Variants in ZRSR2 observed in about 807,000 individuals in gnomAD.
The protein encoded by ZRSR2 is U2 small nuclear ribonucleoprotein auxiliary factor 35 kDa subunit-related protein 2.
ZRSR2 carries 3 observed loss-of-function variants against 39.4 expected under a neutral mutation model. That is an observed-to-expected ratio of 0.08 (90% confidence interval 0.03 to 0.20). The LOEUF (loss-of-function observed/expected upper bound fraction) is 0.20, where lower values mean the gene tolerates loss of function less well. Ranked by LOEUF, ZRSR2 falls within the 10% of genes least tolerant of loss-of-function variation. The probability of loss-of-function intolerance (pLI) is 1.00; values close to 1 mark genes in which losing one functional copy is unlikely to be tolerated. For missense variants in ZRSR2, 256 were observed against 391.5 expected, an observed-to-expected ratio of 0.65 and a Z score of 2.92; for synonymous variants, 137 against 136.0, an observed-to-expected ratio of 1.01 and a Z score of -0.05.
chrX:15,815,867 G>C lies in ZRSR2; in HGVS notation c.748G>C (p.Val250Leu). The change falls in exon 8 of 11, where the codon GTG becomes CTG. Residue 250 changes from valine (V) to leucine (L), a missense_variant. By Grantham distance (32) the Val-to-Leu change is conservative. Around this residue, in one of 3 missense-constraint regions of ZRSR2, gnomAD observed 58 missense variants for 163.1 expected, o/e 0.36. Coordinates refer to ENST00000307771, the MANE Select transcript of ZRSR2 (RefSeq NM_005089.4). ...GGATGTGTTGCCCGAGTTCAAGAAC[G>C]TGGGGAAAGTGATTCAGTTCAAGGT... Reference protein sequence around the residue: ...YEDVLPEFKNVGKVIQFKVSC... With the variant: ...YEDVLPEFKNLGKVIQFKVSC... 1 of 1,207,564 alleles carries C rather than the reference G, an allele frequency of 8.3e-7. No homozygotes were observed. Among genetic ancestry groups the C allele is most frequent in the East Asian group, 3.0e-5 (1 of 33,759 alleles).
intron 3 of ZRSR2, chrX:15,801,754 A>C (rs910370326): frequency 5.4e-5 from 6 of 111,877 alleles, no homozygotes; most frequent in African/African-American, 1.6e-4. Flanking sequence ...ATAAGAGAGT[A>C]ATTTTTTTCC....
chrX:15,792,067 A>G (rs766558893), intron 2 of ZRSR2, among the ~76,000 whole-genome samples: 291 of 111,998 alleles, frequency 2.6e-3, no homozygotes, highest in Middle Eastern at 9.3e-3. Flanking sequence ...CGGCCTCCCA[A>G]AGTGCTGGGA....
At position 15,804,122 on chromosome X, in the gene ZRSR2, G is replaced by A. The variant is rs774478246; in HGVS notation, c.324G>A (p.Lys108=). 26 of 1,183,537 alleles carry A rather than the reference G, an allele frequency of 2.2e-5. No individual in the cohort carries two copies. The Admixed American group carries it at 5.5e-4, about 25-fold the overall frequency. Residue 108 remains lysine (K), a synonymous_variant, in exon 5 of 11, where the codon AAG becomes AAA. Coordinates refer to ENST00000307771, the MANE Select transcript of ZRSR2 (RefSeq NM_005089.4). ...KRQEEQERKL[K]EQWEEQQRKE... is the part of the protein sequence containing the mutation. Reference sequence around the variant, plus strand: ...CTTCCCCTTTAAAGAGAAAGTTAAAGGAACAATGGGAAGAACAGCAGAGGA... The same window carrying A: ...CTTCCCCTTTAAAGAGAAAGTTAAAAGAACAATGGGAAGAACAGCAGAGGA...
intron 8 of ZRSR2, 39 bp downstream of exon 8, chrX:15,815,929 C>G (rs1255906539): frequency 2.7e-6 from 3 of 1,094,139 alleles, no homozygotes; most frequent in Non-Finnish European, 3.7e-6. Flanking sequence ...GTTTGCTTCA[C>G]CCTGCAGTAC....
At chrX:15,820,186 C>A (rs1417540424) in intron 9 of ZRSR2, 21 bp from the exon 10 acceptor site, 4 of 1,153,256 alleles carry the variant, frequency 3.5e-6, no homozygotes, top group Non-Finnish European at 4.7e-6. Context: ...TAAAGCATAT[C>A]ATTTGATTTT....
At chrX:15,804,312 A>G in intron 5 of ZRSR2, 115 bp downstream of exon 5, 1 of 1,057,039 alleles carries the variant, frequency 9.5e-7, no homozygotes, top group Non-Finnish European at 1.2e-6. Flanking sequence ...TTGTTTGGAA[A>G]GAATCATATT....
intron 7 of ZRSR2, among the ~76,000 whole-genome samples, 189 bp from the exon 8 acceptor site, chrX:15,815,488 G>C (rs1013941421): frequency 8.9e-6 from 1 of 112,085 alleles, no homozygotes. Flanking sequence ...TGTATTTTTA[G>C]TAGAATTGGG....
At chrX:15,792,817 G>A (rs1393349462) in intron 2 of ZRSR2, among the ~76,000 whole-genome samples, 2 of 112,582 alleles carry the variant, frequency 1.8e-5, no homozygotes, top group African/African-American at 6.4e-5. Context: ...ATTGTCATCC[G>A]CATTATCCAG....
chrX:15,806,804 A>G (rs112330308), intron 5 of ZRSR2, among the ~76,000 whole-genome samples: 1,935 of 111,235 alleles, frequency 0.017, 39 homozygotes, highest in African/African-American at 0.057. Context: ...AGTAGCTGGG[A>G]CTACAGGCGC....
At chrX:15,810,734 G>A (rs1932866698) in intron 7 of ZRSR2, among the ~76,000 whole-genome samples, 1 of 108,299 alleles carries the variant, frequency 9.2e-6, no homozygotes. Flanking sequence ...CAGAATATCA[G>A]GGCCAGGCGC....
rs760432507 is a variant in ZRSR2, at chrX:15,799,939, A to G, written c.189A>G (p.Leu63=). The change falls in exon 3 of 11, where the codon CTA becomes CTG. Residue 63 remains leucine, a synonymous_variant. Transcript: ENST00000307771. The part of the protein sequence containing the change: ...IEEQQLEEEK[L]LERERQRLHE... ...AACAACAACTAGAAGAAGAGAAGCT[A>G]TTGGAAAGAGAGAGGTCAGTGCTAA... 2 of 1,199,487 alleles carry G rather than the reference A, an allele frequency of 1.7e-6. No individual in the cohort carries two copies. The highest frequency in any genetic ancestry group is 2.2e-5 in the Admixed American group (1 of 45,542).
rs755691105 is a variant in ZRSR2, at chrX:15,801,260, C to T, written c.203+1307C>T. ...TTTTGTTTTGTTTGAGACGGACTCT[C>T]GTTCTGTCACCAGGCTGGAGTGCAG... On this transcript the variant is annotated intron_variant, in intron 3 of 10. Transcript: ENST00000307771. 8.4e-5 allele frequency: 12 copies of T among 142,780 alleles called. No homozygotes were observed. In the South Asian group the frequency reaches 1.4e-3, roughly 17 times the overall value. The allele number at this position is 142,780 out of a possible 1,213,427, so 11.8% of individuals were successfully genotyped here.
At chrX:15,800,173 A>C (rs1487331627) in intron 3 of ZRSR2, among the ~76,000 whole-genome samples, 1 of 99,035 alleles carries the variant, frequency 1.0e-5, no homozygotes, top group Non-Finnish European at 2.0e-5. Flanking sequence ...CTAATTTATA[A>C]TTTTTTTTCT....
intron 8 of ZRSR2, among the ~76,000 whole-genome samples, chrX:15,816,688 T>A (rs1932983284): frequency 9.0e-6 from 1 of 111,048 alleles, no homozygotes; most frequent in Non-Finnish European, 1.9e-5. Context: ...CTTTGTTATG[T>A]TAAGGCAGGG....
intron 2 of ZRSR2, among the ~76,000 whole-genome samples, chrX:15,799,111 A>G (rs1309885264): frequency 2.8e-5 from 3 of 106,939 alleles, no homozygotes; most frequent in African/African-American, 1.0e-4. Flanking sequence ...GCTTGAACCC[A>G]GGAGGCGGAG....
chrX:15,805,941 AAAAAAAAG>A (rs1932775165), intron 5 of ZRSR2, among the ~76,000 whole-genome samples: 1 of 110,255 alleles, frequency 9.1e-6, no homozygotes. Flanking sequence ...AAAAAAAAAA[AAAAAAAAG>A]AAAGAAATAA....
intron 2 of ZRSR2, among the ~76,000 whole-genome samples, chrX:15,795,504 A>T (rs773204551): frequency 2.0e-3 from 221 of 111,702 alleles, no homozygotes; most frequent in African/African-American, 6.8e-3. Flanking sequence ...TTTAAAATCC[A>T]GTTCCTTATT....
At chrX:15,814,510 C>T (rs910548598) in intron 7 of ZRSR2, among the ~76,000 whole-genome samples, 5 of 111,788 alleles carry the variant, frequency 4.5e-5, no homozygotes, top group Non-Finnish European at 7.5e-5. Flanking sequence ...CTATGGCATG[C>T]GCCAGCTACT....
At chrX:15,795,261 T>C (rs1391226361) in intron 2 of ZRSR2, among the ~76,000 whole-genome samples, 1 of 111,044 alleles carries the variant, frequency 9.0e-6, no homozygotes, top group African/African-American at 3.3e-5. Flanking sequence ...TTCAATGGTA[T>C]AATCTTTACA....
Sources: allele counts gnomAD v4.1 joint callset (sites outside exome capture counted in the v4.1 genomes callset), GRCh38; gene constraint gnomAD v4.1.1; regional missense constraint gnomAD v4.1.1; transcripts MANE v1.5; gene names NCBI Gene and HGNC (gene_info 2026-07-23, HGNC 2026-07-21).